TAOK3: variants seen among roughly 807,000 people sequenced by gnomAD.
TAOK3 encodes serine/threonine-protein kinase TAO3.
In TAOK3, 40 loss-of-function variants were observed where a neutral mutation model predicts 120.4. The ratio of observed to expected loss-of-function variants is 0.33; its 90% CI spans 0.26 to 0.43. TAOK3 has a LOEUF of 0.43. TAOK3 is among the 20% of genes least tolerant of loss of function. The pLI is 1.00. For missense variants in TAOK3, 821 were observed against 1,112.1 expected, an observed-to-expected ratio of 0.74 and a Z score of 3.72; for synonymous variants, 355 against 387.5, an observed-to-expected ratio of 0.92 and a Z score of 0.99.
rs542551977 is a variant in TAOK3, at chr12:118,341,009, G to A, written c.-194+31639C>T. ...TATATCTAATTTTTTTTTTTTTTTT[G>A]AGACAGAGTCTCACTCTGTTGCCCA... is the stretch of plus-strand genomic sequence containing the variant. On this transcript the variant is annotated intron_variant, in intron 1 of 20. Coordinates refer to ENST00000392533, the MANE Select transcript of TAOK3 (RefSeq NM_016281.4). 1.8e-3 allele frequency among the ~76,000 whole-genome samples: 207 copies of A among 114,740 alleles called. 2 individuals are homozygous for A. The East Asian group carries it at 0.023, about 13-fold the overall frequency. 75.3% of individuals were successfully genotyped at this position (114,740 alleles called of 152,430 possible).
intron 1 of TAOK3, among the ~76,000 whole-genome samples, chr12:118,364,166 G>C (rs1202510592): frequency 6.6e-6 from 1 of 151,908 alleles, no homozygotes; most frequent in African/African-American, 2.4e-5. Context: ...AAATAAAACA[G>C]GTTTATAAAT....
At chr12:118,233,495 T>C (rs1274216501) in intron 9 of TAOK3, among the ~76,000 whole-genome samples, 179 bp downstream of exon 9, 1 of 151,818 alleles carries the variant, frequency 6.6e-6, no homozygotes, top group East Asian at 1.9e-4. Flanking sequence ...GCAATCTGTG[T>C]TATGAGTATA....
At chr12:118,223,038 G>C (rs1367895682) in intron 9 of TAOK3, among the ~76,000 whole-genome samples, 1 of 150,054 alleles carries the variant, frequency 6.7e-6, no homozygotes, top group Non-Finnish European at 1.5e-5. Context: ...ACCTGAAAAG[G>C]TATAAGGGTT....
In TAOK3 at chr12:118,243,474, A is replaced by C. The variant is rs757845261; in HGVS notation, c.235T>G (p.Leu79Val). Residue 79 changes from leucine (L) to valine (V), a missense_variant, in exon 5 of 21, where the codon TTG becomes GTG. Leu to Val is a conservative substitution (Grantham distance 32). This residue lies in a region of TAOK3 where 467 missense variants were observed against 540.0 expected (regional missense o/e 0.86). Transcript: ENST00000392533. Reference protein sequence around the residue: ...ILKEVKFLRQLKHPNTIEYKG... With the variant: ...ILKEVKFLRQVKHPNTIEYKG... ...TACTCAATAGTATTAGGATGCTTCA[A>C]TTGTCGTAAAAATTTAACTTCCTTA... The C allele has an allele frequency of 3.9e-6, 6 of 1,536,988 alleles. No individual in the cohort carries two copies. Among genetic ancestry groups the C allele is most frequent in the Non-Finnish European group, 5.2e-6 (6 of 1,150,522 alleles).
intron 17 of TAOK3, among the ~76,000 whole-genome samples, chr12:118,163,482 T>C (rs2035361581): frequency 6.6e-6 from 1 of 151,064 alleles, no homozygotes; most frequent in Non-Finnish European, 1.5e-5. Context: ...GGTCTCACTA[T>C]GTTGCCCAGG....
chr12:118,233,276 T>C (rs112698363), intron 9 of TAOK3, among the ~76,000 whole-genome samples: 16,313 of 137,866 alleles, frequency 0.12, 1,056 homozygotes, highest in Middle Eastern at 0.14. Context: ...GGGGGAGGGA[T>C]AGCATTAGGA....
chr12:118,285,009 T>TAA (rs550415823), intron 1 of TAOK3, among the ~76,000 whole-genome samples: 1,876 of 145,052 alleles, frequency 0.013, 46 homozygotes, highest in African/African-American at 0.045. Flanking sequence ...TGCTTCATTG[T>TAA]AAAAAAAAAA....
In TAOK3 at chr12:118,238,168, A is replaced by G; in HGVS notation, c.342T>C (p.Val114=). The G allele has an allele frequency of 6.3e-7, 1 of 1,599,652 alleles. No individual in the cohort carries two copies. Among genetic ancestry groups the G allele is most frequent in the Non-Finnish European group, 8.5e-7 (1 of 1,172,282 alleles). Residue 114 remains valine (V), a splice_region_variant and synonymous_variant, in exon 7 of 21, where the codon GTT becomes GTC. Transcript: ENST00000392533. Reference sequence around the variant, plus strand: ...CCACTTCCTGAAGTGGTTTTTTATGAACTGAGGAAGGAAAAAAAAAAAAGT... The same window carrying G: ...CCACTTCCTGAAGTGGTTTTTTATGGACTGAGGAAGGAAAAAAAAAAAAGT... ...CLGSASDLLE[V]HKKPLQEVEI...
At chr12:118,353,439 G>A (rs2045259579) in intron 1 of TAOK3, among the ~76,000 whole-genome samples, 1 of 152,028 alleles carries the variant, frequency 6.6e-6, no homozygotes, top group Non-Finnish European at 1.5e-5. Flanking sequence ...CAAGATCATA[G>A]GAAATGAAGC....
At chr12:118,265,818 C>G (rs915014055) in intron 2 of TAOK3, among the ~76,000 whole-genome samples, 3 of 152,148 alleles carry the variant, frequency 2.0e-5, no homozygotes, top group African/African-American at 7.2e-5. Flanking sequence ...ATCTGGGAAA[C>G]GTGACTTCTT....
intron 19 of TAOK3, among the ~76,000 whole-genome samples, chr12:118,156,076 A>G (rs2034800362): frequency 6.6e-6 from 1 of 152,148 alleles, no homozygotes; most frequent in South Asian, 2.1e-4. Flanking sequence ...TGTATGCCAC[A>G]CATTGTTGCA....
chr12:118,350,935 T>G (rs1164171817), intron 1 of TAOK3, among the ~76,000 whole-genome samples: 1 of 151,722 alleles, frequency 6.6e-6, no homozygotes, highest in South Asian at 2.1e-4. Flanking sequence ...TCCCAGCACT[T>G]TGGGAGGCTG....
intron 1 of TAOK3, among the ~76,000 whole-genome samples, chr12:118,351,112 G>C (rs2045131533): frequency 6.6e-6 from 1 of 152,156 alleles, no homozygotes; most frequent in Non-Finnish European, 1.5e-5. Flanking sequence ...CCGGGAAGTG[G>C]AGGCTGCAGT....
At chr12:118,343,859 A>C (rs1262158305) in intron 1 of TAOK3, among the ~76,000 whole-genome samples, 1 of 151,958 alleles carries the variant, frequency 6.6e-6, no homozygotes, top group Non-Finnish European at 1.5e-5. Context: ...AAAAATACAA[A>C]AAATTAGCCG....
At chr12:118,214,645 G>A (rs2038794990) in intron 9 of TAOK3, among the ~76,000 whole-genome samples, 1 of 150,340 alleles carries the variant, frequency 6.7e-6, no homozygotes. Flanking sequence ...GGCACGATCT[G>A]CAACCTCTGC....
At chr12:118,203,823 CAG>C (rs1209148099) in intron 11 of TAOK3, among the ~76,000 whole-genome samples, 1 of 151,736 alleles carries the variant, frequency 6.6e-6, no homozygotes, top group Non-Finnish European at 1.5e-5. Flanking sequence ...AGTAGAGAAA[CAG>C]AGAGAAATTT....
At chr12:118,254,953 G>A (rs1007872913) in intron 3 of TAOK3, among the ~76,000 whole-genome samples, 13 of 151,840 alleles carry the variant, frequency 8.6e-5, no homozygotes, top group African/African-American at 2.9e-4. Flanking sequence ...TAGTAGAGAC[G>A]GGGTTTCACC....
At chr12:118,181,692 A>G (rs1021558315) in intron 14 of TAOK3, 85 bp from the exon 15 acceptor site, 3 of 1,128,308 alleles carry the variant, frequency 2.7e-6, no homozygotes, top group Non-Finnish European at 3.9e-6. Context: ...CCTGTGGCAT[A>G]ATTTTATCCA....
In TAOK3 at chr12:118,332,049, G is replaced by A. The variant is rs147079737; in HGVS notation, c.-194+40599C>T. Among the ~76,000 whole-genome samples the A allele has an allele frequency of 7.1e-3, 1,088 of 152,224 alleles. 8 individuals carry two copies. Among genetic ancestry groups the A allele is most frequent in the Middle Eastern group, 0.017 (5 of 294 alleles). ...CATATTGGCGAGGTTGGTCTCGACCGCCTGACCTCAGGTGATCCTTCCACC... is the reference window on the plus strand; with the variant it reads ...CATATTGGCGAGGTTGGTCTCGACCACCTGACCTCAGGTGATCCTTCCACC... On this transcript the variant is annotated intron_variant, in intron 1 of 20. Transcript: ENST00000392533.
Sources: gnomAD v4.1 joint callset for allele counts (sites outside exome capture counted in the v4.1 genomes callset) on GRCh38, gnomAD v4.1.1 for gene constraint, gnomAD v4.1.1 regional missense constraint, MANE v1.5 for transcripts, NCBI Gene and HGNC (gene_info 2026-07-23, HGNC 2026-07-21) for gene names.